ZYG11B: variants seen among roughly 807,000 people sequenced by gnomAD.
ZYG11B encodes zyg-11 family member B, cell cycle regulator.
ZYG11B carries 36 observed loss-of-function variants against 82.4 expected under a neutral mutation model. The ratio of observed to expected loss-of-function variants is 0.44; its 90% CI spans 0.33 to 0.58. The LOEUF is 0.58. Ranked by LOEUF, ZYG11B falls within the 20% of genes least tolerant of loss-of-function variation. The pLI is 0.02. For synonymous variants in ZYG11B, 303 were observed against 312.8 expected, an observed-to-expected ratio of 0.97 and a Z score of 0.33; for missense variants, 552 against 895.6, an observed-to-expected ratio of 0.62 and a Z score of 4.90.
At chr1:52,804,491 T>G (rs1254950759) in intron 10 of ZYG11B, among the ~76,000 whole-genome samples, 3 of 152,018 alleles carry the variant, frequency 2.0e-5, no homozygotes, top group Admixed American at 2.0e-4. Flanking sequence ...TACATGCCTA[T>G]AATCCTAGCT....
At chr1:52,751,695 C>T (rs1173071870) in intron 1 of ZYG11B, among the ~76,000 whole-genome samples, 2 of 152,144 alleles carry the variant, frequency 1.3e-5, no homozygotes, top group South Asian at 4.2e-4. Context: ...ACGTTAGCTC[C>T]CAAACCCCTT....
intron 6 of ZYG11B, among the ~76,000 whole-genome samples, chr1:52,793,701 T>C (rs1269363693): frequency 6.6e-6 from 1 of 152,144 alleles, no homozygotes; most frequent in African/African-American, 2.4e-5. Flanking sequence ...ACCTCATACT[T>C]GTGGGCATGT....
intron 6 of ZYG11B, among the ~76,000 whole-genome samples, chr1:52,794,864 C>T (rs1558136462): frequency 6.6e-6 from 1 of 152,292 alleles, no homozygotes; most frequent in Admixed American, 6.5e-5. Context: ...ATTTCTATCA[C>T]GTGGAGTAGA....
At chr1:52,773,001 CT>C (rs1406032983) in intron 3 of ZYG11B, among the ~76,000 whole-genome samples, 2 of 151,840 alleles carry the variant, frequency 1.3e-5, no homozygotes, top group East Asian at 3.9e-4. Flanking sequence ...TAATGGATAA[CT>C]TCAGAGAAAC....
rs1645312404 is a variant in ZYG11B at position 52,824,915 on chromosome 1, A to G, written c.*3286A>G. On this transcript the variant is annotated 3_prime_UTR_variant, in exon 14 of 14. Coordinates refer to ENST00000294353, the MANE Select transcript of ZYG11B (RefSeq NM_024646.3). ...CTTTGAGTGTTATCTCTCAGTGGCT[A>G]GAGGTGCTGTTTCAAGCACAATTTA... 1 of 152,230 alleles carries G rather than the reference A, an allele frequency of 6.6e-6. No homozygotes were observed. The highest frequency in any genetic ancestry group is 2.1e-4 in the South Asian group (1 of 4,818). 9.4% of individuals were successfully genotyped at this position (152,230 alleles called of 1,614,324 possible). A position where few individuals can be genotyped will look rare whatever the true frequency, so the allele number is the denominator to read the frequency against.
intron 3 of ZYG11B, among the ~76,000 whole-genome samples, chr1:52,774,667 C>T (rs993401735): frequency 2.1e-5 from 3 of 140,508 alleles, no homozygotes; most frequent in South Asian, 2.2e-4. Context: ...TCTTGCTCAG[C>T]GATCCTCCCA....
chr1:52,753,476 A>G (rs1468963587), intron 1 of ZYG11B, among the ~76,000 whole-genome samples: 1 of 150,688 alleles, frequency 6.6e-6, no homozygotes, highest in African/African-American at 2.4e-5. Context: ...CTGGCGTGCA[A>G]TGGCGTGATC....
chr1:52,819,103 C>T (rs1645258963), intron 13 of ZYG11B, among the ~76,000 whole-genome samples: 1 of 152,124 alleles, frequency 6.6e-6, no homozygotes, highest in South Asian at 2.1e-4. Flanking sequence ...TTGATGAAAA[C>T]TCACTGCATA....
At chr1:52,798,457 A>C (rs1645046692) in intron 8 of ZYG11B, among the ~76,000 whole-genome samples, 1 of 152,146 alleles carries the variant, frequency 6.6e-6, no homozygotes, top group Non-Finnish European at 1.5e-5. Context: ...CAAATAATTT[A>C]AAAATTAGCC....
At chr1:52,755,568 C>T (rs1644568886) in intron 1 of ZYG11B, among the ~76,000 whole-genome samples, 2 of 152,162 alleles carry the variant, frequency 1.3e-5, no homozygotes, top group South Asian at 4.1e-4. Flanking sequence ...ATGGCATAAT[C>T]TCAGCTCACT....
intron 2 of ZYG11B, among the ~76,000 whole-genome samples, chr1:52,764,193 G>A (rs983184039): frequency 3.3e-5 from 5 of 152,080 alleles, no homozygotes; most frequent in Non-Finnish European, 5.9e-5. Context: ...GCACTATCTC[G>A]GCTCACTGCA....
At chr1:52,730,123 C>T (rs1644317664) in intron 1 of ZYG11B, among the ~76,000 whole-genome samples, 1 of 152,056 alleles carries the variant, frequency 6.6e-6, no homozygotes, top group African/African-American at 2.4e-5. Flanking sequence ...TCTGTCAAAA[C>T]CCACATAATG....
intron 1 of ZYG11B, among the ~76,000 whole-genome samples, chr1:52,738,792 T>C (rs969095558): frequency 1.3e-5 from 2 of 151,772 alleles, no homozygotes; most frequent in African/African-American, 4.8e-5. Context: ...GCTAATTTTG[T>C]ATTTTTAGTA....
chr1:52,746,690 T>TTG (rs1219445876), intron 1 of ZYG11B, among the ~76,000 whole-genome samples: 1 of 107,528 alleles, frequency 9.3e-6, no homozygotes, highest in African/African-American at 3.5e-5. Flanking sequence ...GGCCACTGTT[T>TTG]TTTTTTTTTT....
chr1:52,803,261 TATATAC>T (rs1645108087), intron 10 of ZYG11B, among the ~76,000 whole-genome samples: 2 of 77,052 alleles, frequency 2.6e-5, no homozygotes, highest in African/African-American at 1.2e-4. Context: ...TATATATATA[TATATAC>T]ACACACACAC....
intron 2 of ZYG11B, among the ~76,000 whole-genome samples, chr1:52,768,992 A>G (rs894998404): frequency 6.6e-6 from 1 of 152,166 alleles, no homozygotes; most frequent in Non-Finnish European, 1.5e-5. Flanking sequence ...ATCTTCATTC[A>G]TGATGGTTTA....
intron 8 of ZYG11B, 114 bp from the exon 9 acceptor site, chr1:52,801,705 C>T (rs529624655): frequency 1.2e-6 from 1 of 822,108 alleles, no homozygotes; most frequent in African/African-American, 1.7e-5. Context: ...AGTACCTTTA[C>T]AGGAAATGCT....
At chr1:52,814,516 G>A (rs769083789) in intron 12 of ZYG11B, among the ~76,000 whole-genome samples, 15 of 152,188 alleles carry the variant, frequency 9.9e-5, no homozygotes, top group Non-Finnish European at 1.6e-4. Context: ...AGTGAATGTG[G>A]ATCAGATAAA....
At chr1:52,803,994 CTT>C (rs752433124) in intron 10 of ZYG11B, among the ~76,000 whole-genome samples, 21 of 151,120 alleles carry the variant, frequency 1.4e-4, no homozygotes, top group Non-Finnish European at 3.1e-4. Flanking sequence ...AATCCCAACA[CTT>C]TGGAAGGATG....
Sources: allele counts gnomAD v4.1 joint callset (sites outside exome capture counted in the v4.1 genomes callset), GRCh38; gene constraint gnomAD v4.1.1; transcripts MANE v1.5; gene names NCBI Gene and HGNC (gene_info 2026-07-23, HGNC 2026-07-21).